TMEM209: variants seen among roughly 807,000 people sequenced by gnomAD.
The protein encoded by TMEM209 is transmembrane protein 209, also known as testicular tissue protein Li 202.
A neutral mutation model predicts 76.2 loss-of-function variants in TMEM209; 65 were observed. That is an observed-to-expected ratio of 0.85 (90% CI 0.70 to 1.05). The LOEUF is 1.05. TMEM209 is among the 50% of genes least tolerant of loss of function. The pLI, the probability that TMEM209 is intolerant of heterozygous loss-of-function variation, is 0.00. For missense variants in TMEM209, 623 were observed against 685.5 expected, an observed-to-expected ratio of 0.91 and a Z score of 1.02; for synonymous variants, 239 against 237.6, an observed-to-expected ratio of 1.01 and a Z score of -0.06.
Position 130,201,878 on chromosome 7 carries a change from G to A in TMEM209, c.545C>T (p.Thr182Ile), listed in dbSNP as rs112117918. Residue 182 changes from threonine (T) to isoleucine (I), a missense_variant, in exon 5 of 15, where the codon ACC becomes ATC. Thr to Ile is a moderately conservative substitution (Grantham distance 89). Coordinates refer to ENST00000397622, the MANE Select transcript of TMEM209 (RefSeq NM_032842.4). ...GGSGSYSPGVTYSPVSGYNKL... is the reference protein window; with the variant it reads ...GGSGSYSPGVIYSPVSGYNKL... ...ATTATAACCACTGACGGGCGAGTAG[G>A]TCACTCCAGGGCTATAAGAACCACT... 1,610 of 1,613,916 alleles carry A rather than the reference G, an allele frequency of 1.0e-3. 2 individuals are homozygous for A. The highest frequency in any genetic ancestry group is 1.3e-3 in the Non-Finnish European group (1,498 of 1,179,876).
At chr7:130,183,067 A>C (rs146287661) in intron 8 of TMEM209, among the ~76,000 whole-genome samples, 134 of 152,358 alleles carry the variant, frequency 8.8e-4, no homozygotes, top group African/African-American at 3.0e-3. Context: ...TAGGGACTTC[A>C]GATGAGGAAA....
Position 130,185,285 on chromosome 7 carries a change from T to C in TMEM209, c.858A>G (p.Leu286=). Residue 286 remains leucine (L), a synonymous_variant, in exon 7 of 15, where the codon TTA becomes TTG. Transcript: ENST00000397622. ...SRSMGDYAQT[L]KKFQYQLACR... is the part of the protein sequence containing the mutation. ...AGGCAAGCTGATACTGAAACTTCTT[T>C]AAAGTTTGTGCATAATCCCCCATAG... 1 of 1,614,004 alleles carries C rather than the reference T, an allele frequency of 6.2e-7. No homozygotes were observed. Among genetic ancestry groups the C allele is most frequent in the Non-Finnish European group, 8.5e-7 (1 of 1,179,864 alleles).
At chr7:130,178,820 C>T (rs529520003) in intron 9 of TMEM209, among the ~76,000 whole-genome samples, 3 of 152,020 alleles carry the variant, frequency 2.0e-5, no homozygotes, top group Non-Finnish European at 4.4e-5. Flanking sequence ...CTGTCACCCA[C>T]GCTGGAGTAT....
intron 13 of TMEM209, among the ~76,000 whole-genome samples, chr7:130,172,424 G>A (rs538863337): frequency 4.3e-4 from 65 of 151,890 alleles, no homozygotes; most frequent in African/African-American, 1.5e-3. Flanking sequence ...CTCACTGCAA[G>A]CTCCGCCTCC....
At chr7:130,191,184 G>A (rs1797783601) in intron 6 of TMEM209, among the ~76,000 whole-genome samples, 1 of 151,860 alleles carries the variant, frequency 6.6e-6, no homozygotes, top group Non-Finnish European at 1.5e-5. Context: ...ATATAGATGT[G>A]TCAATGTCAG....
rs1218853762 is a variant in TMEM209, at chr7:130,165,637, G to C, written c.*814C>G. The C allele has an allele frequency of 6.7e-6, 1 of 148,402 alleles. No individual in the cohort carries two copies. The highest frequency in any genetic ancestry group is 1.5e-5 in the Non-Finnish European group (1 of 67,546). The allele number at this position is 148,402 out of a possible 1,614,324, so 9.2% of individuals were successfully genotyped here. A position where few individuals can be genotyped will look rare whatever the true frequency, so the allele number is the denominator to read the frequency against. ...TACATAAACTTAATACATTACTTAA[G>C]AGTTAATCTCATTTCTTTGAATGTG... On this transcript the variant is annotated 3_prime_UTR_variant, in exon 15 of 15. Coordinates refer to ENST00000397622, the MANE Select transcript of TMEM209 (RefSeq NM_032842.4).
rs754991353 is a variant in TMEM209 at position 130,202,652 on chromosome 7, C to A, written c.211G>T (p.Ala71Ser). 1.2e-6 allele frequency: 2 copies of A among 1,612,540 alleles called. No individual in the cohort carries two copies. The highest frequency in any genetic ancestry group is 1.7e-6 in the Non-Finnish European group (2 of 1,179,356). Residue 71 changes from alanine to serine, a missense_variant, in exon 4 of 15, where the codon GCA becomes TCA. Ala to Ser is a moderately conservative substitution (Grantham distance 99). Transcript: ENST00000397622. ...WPLWYIELAL[A>S]SLFSLNALFD... ...AAGGCATTAAGGCTGAAGAGAGATG[C>A]AAGGGCAAGCTCTGGAAGAGAACAA...
At chr7:130,178,089 A>G (rs1439561943) in intron 10 of TMEM209, among the ~76,000 whole-genome samples, 1 of 152,208 alleles carries the variant, frequency 6.6e-6, no homozygotes, top group Non-Finnish European at 1.5e-5. Flanking sequence ...CAGAAATATA[A>G]GGAAGAAACT....
chr7:130,170,183 G>A (rs1797023247), intron 14 of TMEM209, among the ~76,000 whole-genome samples: 1 of 152,148 alleles, frequency 6.6e-6, no homozygotes, highest in African/African-American at 2.4e-5. Context: ...CAACTATAAT[G>A]CTAACGATGT....
At chr7:130,170,568 C>T in intron 13 of TMEM209, 95 bp from the exon 14 acceptor site, 1 of 936,648 alleles carries the variant, frequency 1.1e-6, no homozygotes, top group Non-Finnish European at 1.6e-6. Flanking sequence ...ATCCTACTAA[C>T]TCAGAATTCC....
chr7:130,176,241 T>C (rs1442486454), intron 10 of TMEM209, among the ~76,000 whole-genome samples: 1 of 151,660 alleles, frequency 6.6e-6, no homozygotes, highest in Admixed American at 6.6e-5. Context: ...GCCTCCTGAG[T>C]AGCTGGGACT....
At chr7:130,191,981 A>G (rs1198065358) in intron 6 of TMEM209, among the ~76,000 whole-genome samples, 1 of 152,214 alleles carries the variant, frequency 6.6e-6, no homozygotes, top group Non-Finnish European at 1.5e-5. Flanking sequence ...TCATGGTCCA[A>G]TAACCGGCTT....
Position 130,165,577 on chromosome 7 carries a change from T to G in TMEM209, c.*874A>C, listed in dbSNP as rs997870100. The G allele has an allele frequency of 3.3e-5, 5 of 152,060 alleles. No individual in the cohort carries two copies. Among genetic ancestry groups the G allele is most frequent in the Admixed American group, 3.3e-4 (5 of 15,262 alleles). 9.4% of individuals were successfully genotyped at this position (152,060 alleles called of 1,614,324 possible). ...TAAGTGTTGACTTTTTAAATGTCAA[T>G]ACTTTCAAACCTCCTTTAATAATAT... On this transcript the variant is annotated 3_prime_UTR_variant, in exon 15 of 15. Coordinates refer to ENST00000397622, the MANE Select transcript of TMEM209 (RefSeq NM_032842.4).
intron 9 of TMEM209, among the ~76,000 whole-genome samples, chr7:130,180,658 C>T (rs537427207): frequency 1.3e-5 from 2 of 152,096 alleles, no homozygotes; most frequent in Non-Finnish European, 2.9e-5. Context: ...CGTGAGCCAC[C>T]GCGCCCGGCC....
chr7:130,175,795 C>T (rs1207512354), intron 10 of TMEM209, among the ~76,000 whole-genome samples, 186 bp from the exon 11 acceptor site: 3 of 151,784 alleles, frequency 2.0e-5, no homozygotes, highest in South Asian at 2.1e-4. Context: ...TCAGATAAAT[C>T]CAAAATGTGG....
intron 6 of TMEM209, among the ~76,000 whole-genome samples, chr7:130,190,803 C>T (rs2117010713): frequency 1.3e-5 from 2 of 152,084 alleles, no homozygotes; most frequent in South Asian, 4.2e-4. Context: ...TCGAGACCAG[C>T]CTGGGCAACA....
At chr7:130,179,879 T>A (rs1374760043) in intron 9 of TMEM209, among the ~76,000 whole-genome samples, 2 of 152,068 alleles carry the variant, frequency 1.3e-5, no homozygotes, top group African/African-American at 4.8e-5. Flanking sequence ...GGTGAGAGGA[T>A]CTCTTGAGCC....
At chr7:130,187,039 T>C (rs545697304) in intron 6 of TMEM209, among the ~76,000 whole-genome samples, 2 of 152,124 alleles carry the variant, frequency 1.3e-5, no homozygotes, top group Admixed American at 6.5e-5. Flanking sequence ...GGTCAGGAGC[T>C]CGAGACAAGC....
In TMEM209 at chr7:130,204,101, C is replaced by A; in HGVS notation, c.13G>T (p.Glu5Ter). 1 of 1,603,952 alleles carries A rather than the reference C, an allele frequency of 6.2e-7. No homozygotes were observed. Residue 5 changes from glutamate to a stop codon, truncating the protein, a stop_gained, in exon 2 of 15, where the codon GAG (glutamate) becomes TAG (stop). Coordinates refer to ENST00000397622, the MANE Select transcript of TMEM209 (RefSeq NM_032842.4). LOFTEE classifies it high-confidence loss of function. ...ATAAGGGAAGCACTAGGGTGTGCCTCCCCCTGCATCTATGAAAAAACAAAA... is the reference window on the plus strand; with the variant it reads ...ATAAGGGAAGCACTAGGGTGTGCCTACCCCTGCATCTATGAAAAAACAAAA... MMQG[E>*]AHPSASLIDR...
Sources: allele counts gnomAD v4.1 joint callset (sites outside exome capture counted in the v4.1 genomes callset), GRCh38; gene constraint gnomAD v4.1.1; transcripts MANE v1.5; gene names NCBI Gene and HGNC (gene_info 2026-07-23, HGNC 2026-07-21).